SETD4: variants seen among roughly 807,000 people sequenced by gnomAD.
SETD4 encodes SET domain-containing protein 4.
In SETD4, 46 loss-of-function variants were observed where a neutral mutation model predicts 58.3. That is an observed-to-expected ratio of 0.79 (90% CI 0.62 to 1.01). The LOEUF (loss-of-function observed/expected upper bound fraction) is 1.01, where lower values mean the gene tolerates loss of function less well. Among genes scored for constraint, SETD4 ranks in the 50% least tolerant of loss-of-function variants. The probability of loss-of-function intolerance (pLI) is 0.00; values close to 1 mark genes in which losing one functional copy is unlikely to be tolerated. For missense variants in SETD4, 490 were observed against 523.3 expected, an observed-to-expected ratio of 0.94 and a Z score of 0.62; for synonymous variants, 190 against 202.6, an observed-to-expected ratio of 0.94 and a Z score of 0.53.
chr21:36,054,562 C>T (rs1459051510), intron 3 of SETD4, among the ~76,000 whole-genome samples: 1 of 152,168 alleles, frequency 6.6e-6, no homozygotes, highest in African/African-American at 2.4e-5. Flanking sequence ...CATCAGTTTC[C>T]CGCAACTTGG....
At chr21:36,055,445 T>C (rs368498874) in intron 3 of SETD4, among the ~76,000 whole-genome samples, 55 of 152,320 alleles carry the variant, frequency 3.6e-4, no homozygotes, top group African/African-American at 1.3e-3. Flanking sequence ...TGGGAGGCCC[T>C]GACCTGGCTA....
chr21:36,039,237 T>C (rs1044165869), intron 9 of SETD4, among the ~76,000 whole-genome samples: 3 of 151,594 alleles, frequency 2.0e-5, no homozygotes, highest in Non-Finnish European at 4.4e-5. Flanking sequence ...ATAATCCGCA[T>C]GCTAGACTCA....
Position 36,036,154 on chromosome 21 carries a change from G to C in SETD4, c.1286C>G (p.Ala429Gly). 6.2e-7 allele frequency: 1 copy of C among 1,614,024 alleles called. No homozygotes were observed. Among genetic ancestry groups the C allele is most frequent in the Non-Finnish European group, 8.5e-7 (1 of 1,180,004 alleles). Residue 429 changes from alanine to glycine, a missense_variant, in exon 11 of 12, where the codon GCC (alanine) becomes GGC (glycine). By Grantham distance (60) the Ala-to-Gly change is moderately conservative. Transcript: ENST00000332131. ...TEELKILRAS[A>G]ETLHSLQTAF... ...TGTTTGCAAACTGTGCAGGGTCTCG[G>C]CAGATGCCCTGAGAATCTTTAGCTC...
At chr21:36,049,217 G>GT (rs1249072115) in intron 4 of SETD4, among the ~76,000 whole-genome samples, 1 of 152,212 alleles carries the variant, frequency 6.6e-6, no homozygotes, top group African/African-American at 2.4e-5. Context: ...GAAGCCAGAT[G>GT]TAAGACTCTC....
chr21:36,050,236 C>T (rs1021055493), intron 4 of SETD4: 3 of 1,397,672 alleles, frequency 2.1e-6, no homozygotes, highest in Non-Finnish European at 3.1e-6. Context: ...TACGTGGCTG[C>T]CAAGTTGTGG....
At chr21:36,055,397 T>C (rs769092973) in intron 3 of SETD4, among the ~76,000 whole-genome samples, 3 of 152,190 alleles carry the variant, frequency 2.0e-5, no homozygotes, top group Non-Finnish European at 4.4e-5. Flanking sequence ...ATCACAAATG[T>C]CTCAAAGCCT....
intron 2 of SETD4, chr21:36,057,443 G>GAA (rs2065044564): frequency 1.5e-6 from 1 of 666,186 alleles, no homozygotes; most frequent in African/African-American, 1.8e-5. Flanking sequence ...CCAGGAGTTT[G>GAA]AGCCCAGCCT....
intron 10 of SETD4, among the ~76,000 whole-genome samples, chr21:36,036,903 T>G (rs991117628): frequency 2.0e-5 from 3 of 152,226 alleles, no homozygotes; most frequent in African/African-American, 2.4e-5. Flanking sequence ...GAGGACATGC[T>G]GTCACACGGC....
chr21:36,050,847 G>A lies in SETD4; in HGVS notation c.208-2451C>T, dbSNP rs374387769. Reference sequence around the variant, plus strand: ...GGATGTACGTGTCATTGTCGTGGGAGGCCATGTGGTTGGCACCATGTTACA... The same window carrying A: ...GGATGTACGTGTCATTGTCGTGGGAAGCCATGTGGTTGGCACCATGTTACA... On this transcript the variant is annotated intron_variant, in intron 4 of 11. Coordinates refer to ENST00000332131, the MANE Select transcript of SETD4 (RefSeq NM_017438.5). 23 of 1,611,016 alleles carry A rather than the reference G, an allele frequency of 1.4e-5. No homozygotes were observed. The South Asian group carries it at 2.4e-4, about 17-fold the overall frequency.
At chr21:36,041,016 TG>T (rs2064024647) in intron 8 of SETD4, among the ~76,000 whole-genome samples, 1 of 151,456 alleles carries the variant, frequency 6.6e-6, no homozygotes, top group Non-Finnish European at 1.5e-5. Context: ...AAAAATTAGC[TG>T]GGCGTGGTCG....
At chr21:36,050,069 G>A in intron 4 of SETD4, 1 of 588,472 alleles carries the variant, frequency 1.7e-6, no homozygotes, top group Non-Finnish European at 3.1e-6. Context: ...CCTGCTAGGA[G>A]GGTGGTGCAC....
chr21:36,046,419 C>T (rs772453751), intron 5 of SETD4, among the ~76,000 whole-genome samples: 3 of 152,170 alleles, frequency 2.0e-5, no homozygotes, highest in South Asian at 2.1e-4. Context: ...AGACCTGCAC[C>T]ATCCGATATA....
chr21:36,038,191 A>G lies in SETD4; in HGVS notation c.1147T>C (p.Cys383Arg), dbSNP rs2063872143. 4 of 1,613,842 alleles carry G rather than the reference A, an allele frequency of 2.5e-6. No individual in the cohort carries two copies. Among genetic ancestry groups the G allele is most frequent in the Non-Finnish European group, 3.4e-6 (4 of 1,179,926 alleles). Residue 383 changes from cysteine (C) to arginine (R), a missense_variant, in exon 10 of 12, where the codon TGC becomes CGC. By Grantham distance (180) the Cys-to-Arg change is radical (BLOSUM62 -3). Coordinates refer to ENST00000332131, the MANE Select transcript of SETD4 (RefSeq NM_017438.5). The stretch of plus-strand genomic sequence containing the variant: ...TTAGTCTCTTCTATGAAATAATAGC[A>G]TATTTTCTGGGCTATGTCCAAACTT... Reference protein sequence around the residue: ...KTSLDIAQKICYYFIEETNAV... With the variant: ...KTSLDIAQKIRYYFIEETNAV...
At chr21:36,060,004 A>T in intron 1 of SETD4, 1 of 985,716 alleles carries the variant, frequency 1.0e-6, no homozygotes, top group Non-Finnish European at 1.2e-6. Flanking sequence ...AGACACAGGC[A>T]CCGTCCCCGC....
intron 4 of SETD4, chr21:36,053,251 T>G: frequency 2.8e-6 from 1 of 355,040 alleles, no homozygotes; most frequent in South Asian, 3.5e-5. Context: ...GACCTGAGGG[T>G]GCAGTTCCCT....
At chr21:36,047,179 C>T (rs112204413) in intron 5 of SETD4, among the ~76,000 whole-genome samples, 19,877 of 152,024 alleles carry the variant, frequency 0.13, 1,377 homozygotes, top group Middle Eastern at 0.25. Flanking sequence ...TGCTTGAACC[C>T]GGAAGGTGGA....
intron 4 of SETD4, chr21:36,051,494 A>G: frequency 7.6e-7 from 1 of 1,323,598 alleles, no homozygotes; most frequent in East Asian, 2.6e-5. Flanking sequence ...ATGAGAGAAA[A>G]TTAGTAGGAT....
intron 9 of SETD4, 60 bp from the exon 10 acceptor site, chr21:36,038,333 G>A (rs2063881343): frequency 6.3e-7 from 1 of 1,585,082 alleles, no homozygotes. Flanking sequence ...AGATTTTTTT[G>A]TTTCAGTGCA....
intron 3 of SETD4, among the ~76,000 whole-genome samples, chr21:36,056,729 T>A (rs1047145704): frequency 1.3e-5 from 2 of 152,180 alleles, no homozygotes; most frequent in Non-Finnish European, 2.9e-5. Flanking sequence ...GGCTAACTTT[T>A]GTACTTTTAG....
Sources: allele counts gnomAD v4.1 joint callset (sites outside exome capture counted in the v4.1 genomes callset), GRCh38; gene constraint gnomAD v4.1.1; transcripts MANE v1.5; gene names NCBI Gene and HGNC (gene_info 2026-07-23, HGNC 2026-07-21).